PTGIS: variants seen among roughly 807,000 people sequenced by gnomAD.
The protein encoded by PTGIS is prostacyclin synthase.
In PTGIS, 45 loss-of-function variants were observed where a neutral mutation model predicts 50.3. The ratio of observed to expected loss-of-function variants is 0.90; its 90% confidence interval spans 0.70 to 1.15. The LOEUF (loss-of-function observed/expected upper bound fraction) is 1.15, where lower values mean the gene tolerates loss of function less well. PTGIS is among the 50% of genes most tolerant of loss of function. PTGIS has a pLI of 0.00. For missense variants in PTGIS, 668 were observed against 661.3 expected (o/e 1.01, Z -0.11); for synonymous variants, 260 against 267.7 (o/e 0.97, Z 0.28).
At chr20:49,567,969 G>A in intron 1 of PTGIS, 74 bp downstream of exon 1, 2 of 1,364,704 alleles carry the variant, frequency 1.5e-6, no homozygotes, top group Non-Finnish European at 1.9e-6. Flanking sequence ...CGCGGGCTCC[G>A]AGACCCTTGG....
At chr20:49,523,360 G>C (rs1003726494) in intron 6 of PTGIS, among the ~76,000 whole-genome samples, 11 of 152,140 alleles carry the variant, frequency 7.2e-5, no homozygotes, top group Admixed American at 6.5e-4. Flanking sequence ...GAGAGACAGA[G>C]AGAGAGAAAG....
At chr20:49,510,931 C>A in intron 9 of PTGIS, 97 bp downstream of exon 9, 1 of 1,217,890 alleles carries the variant, frequency 8.2e-7, no homozygotes, top group Non-Finnish European at 1.2e-6. Context: ...CTCTGCCAAA[C>A]CATTCTCCTG....
At chr20:49,544,138 C>G (rs1171852819) in intron 4 of PTGIS, among the ~76,000 whole-genome samples, 167 bp downstream of exon 4, 1 of 152,182 alleles carries the variant, frequency 6.6e-6, no homozygotes, top group African/African-American at 2.4e-5. Flanking sequence ...GTCAGATGAA[C>G]AGCCGGGGCC....
chr20:49,548,163 T>C (rs1338700889), intron 2 of PTGIS, 144 bp from the exon 3 acceptor site: 2 of 785,978 alleles, frequency 2.5e-6, no homozygotes, highest in Non-Finnish European at 2.2e-6. Flanking sequence ...CACTACCACC[T>C]ACCACCCTGT....
At chr20:49,566,606 T>C (rs1352623648) in intron 1 of PTGIS, among the ~76,000 whole-genome samples, 1 of 152,262 alleles carries the variant, frequency 6.6e-6, no homozygotes, top group African/African-American at 2.4e-5. Flanking sequence ...AACTACCATA[T>C]TGTTTAAAAA....
At chr20:49,557,976 T>C (rs1047783561) in intron 1 of PTGIS, among the ~76,000 whole-genome samples, 4 of 152,202 alleles carry the variant, frequency 2.6e-5, no homozygotes, top group Admixed American at 2.6e-4. Flanking sequence ...CTACTGGGCA[T>C]GTCCTTAACC....
At chr20:49,522,323 C>T (rs1418602847) in intron 6 of PTGIS, among the ~76,000 whole-genome samples, 3 of 152,072 alleles carry the variant, frequency 2.0e-5, no homozygotes, top group African/African-American at 4.8e-5. Flanking sequence ...CCTGACCACC[C>T]CAGCTAGAGC....
chr20:49,526,491 C>A (rs748553890), intron 5 of PTGIS, among the ~76,000 whole-genome samples: 1 of 152,126 alleles, frequency 6.6e-6, no homozygotes, highest in Non-Finnish European at 1.5e-5. Flanking sequence ...TATATTTGCA[C>A]AATCAATGAA....
chr20:49,509,334 G>T (rs1981247145), intron 9 of PTGIS, among the ~76,000 whole-genome samples: 1 of 152,198 alleles, frequency 6.6e-6, no homozygotes, highest in African/African-American at 2.4e-5. Flanking sequence ...GACCAGCAGG[G>T]TTGTCATGAC....
At chr20:49,539,191 T>C (rs919535445) in intron 5 of PTGIS, among the ~76,000 whole-genome samples, 5 of 152,160 alleles carry the variant, frequency 3.3e-5, no homozygotes, top group Admixed American at 3.3e-4. Context: ...GGGGAGAAAG[T>C]GGAGCGCTCT....
chr20:49,507,667 A>C lies in PTGIS; in HGVS notation c.*253T>G. On this transcript the variant is annotated 3_prime_UTR_variant, in exon 10 of 10. Transcript: ENST00000244043. ...TCACGAGGTGAGAGTAACGAGGTGAATTGGGAGCAGACAAAGCCTGATTTT... is the reference window on the plus strand; with the variant it reads ...TCACGAGGTGAGAGTAACGAGGTGACTTGGGAGCAGACAAAGCCTGATTTT... 1.8e-6 allele frequency: 1 copy of C among 567,248 alleles called. No individual in the cohort carries two copies. Among genetic ancestry groups the C allele is most frequent in the South Asian group, 2.0e-5 (1 of 50,464 alleles). The allele number at this position is 567,248 out of a possible 1,614,324, so 35.1% of individuals were successfully genotyped here.
chr20:49,551,100 G>T (rs1455680982), intron 1 of PTGIS, among the ~76,000 whole-genome samples: 1 of 152,132 alleles, frequency 6.6e-6, no homozygotes, highest in Non-Finnish European at 1.5e-5. Flanking sequence ...CCAGTTACTC[G>T]GGAGGCTGAG....
At chr20:49,561,677 C>T (rs1440736623) in intron 1 of PTGIS, among the ~76,000 whole-genome samples, 1 of 152,232 alleles carries the variant, frequency 6.6e-6, no homozygotes, top group Non-Finnish European at 1.5e-5. Flanking sequence ...CCCAGCCACG[C>T]TTCTTGCTGG....
chr20:49,560,201 C>A (rs937072936), intron 1 of PTGIS, among the ~76,000 whole-genome samples: 1 of 152,092 alleles, frequency 6.6e-6, no homozygotes, highest in Non-Finnish European at 1.5e-5. Flanking sequence ...GGATTACAGG[C>A]GTGAGCCACC....
Position 49,515,030 on chromosome 20 carries a change from C to A in PTGIS, c.856-635G>T, listed in dbSNP as rs6012681. Among the ~76,000 whole-genome samples, 1,000 of 152,266 alleles carry A rather than the reference C, an allele frequency of 6.6e-3. 9 individuals carry two copies. Among genetic ancestry groups the A allele is most frequent in the African/African-American group, 0.023 (953 of 41,542 alleles). On this transcript the variant is annotated intron_variant, in intron 6 of 9. Transcript: ENST00000244043. The stretch of plus-strand genomic sequence containing the variant: ...CCCCAATGAGCCAGACCCACAGACC[C>A]GTGAGTTAAATAAATGCTGATGGGT...
At chr20:49,566,179 G>A (rs770170434) in intron 1 of PTGIS, among the ~76,000 whole-genome samples, 2 of 151,996 alleles carry the variant, frequency 1.3e-5, no homozygotes, top group Admixed American at 6.5e-5. Flanking sequence ...GCGGTGAGCC[G>A]AGATCGTGCC....
chr20:49,523,848 G>A (rs895253486), intron 6 of PTGIS, among the ~76,000 whole-genome samples: 1 of 152,242 alleles, frequency 6.6e-6, no homozygotes, highest in Admixed American at 6.5e-5. Flanking sequence ...AGTAAAGGAA[G>A]TCAGGGAACT....
chr20:49,510,952 C>G, intron 9 of PTGIS, 76 bp downstream of exon 9: 1 of 1,408,440 alleles, frequency 7.1e-7, no homozygotes, highest in South Asian at 1.2e-5. Context: ...GCTGAGCCCT[C>G]AGTCCCAGGA....
At chr20:49,560,658 G>A (rs1982747713) in intron 1 of PTGIS, among the ~76,000 whole-genome samples, 1 of 152,258 alleles carries the variant, frequency 6.6e-6, no homozygotes, top group Non-Finnish European at 1.5e-5. Context: ...AGGATGTGAA[G>A]GGAGTGCTCT....
Sources: gnomAD v4.1 joint callset for allele counts (sites outside exome capture counted in the v4.1 genomes callset) on GRCh38, gnomAD v4.1.1 for gene constraint, MANE v1.5 for transcripts, NCBI Gene and HGNC (gene_info 2026-07-23, HGNC 2026-07-21) for gene names.